Variants in SCARB1 observed in about 807,000 individuals in gnomAD.
The protein encoded by SCARB1 is scavenger receptor class B member 1, also known as CD36 and LIMPII analogous 1.
Under a neutral mutation model 57.2 loss-of-function variants are expected in SCARB1, and 30 were observed. The observed-to-expected ratio is 0.52, with a 90% confidence interval of 0.39 to 0.71. The LOEUF (loss-of-function observed/expected upper bound fraction) is 0.71, where lower values mean the gene tolerates loss of function less well. Among genes scored for constraint, SCARB1 ranks in the 30% least tolerant of loss-of-function variants. The pLI, the probability that SCARB1 is intolerant of heterozygous loss-of-function variation, is 0.00. For missense variants in SCARB1, 543 were observed against 671.2 expected, an observed-to-expected ratio of 0.81 and a Z score of 2.11; for synonymous variants, 249 against 268.3, an observed-to-expected ratio of 0.93 and a Z score of 0.70.
At chr12:124,785,806 G>A in intron 11 of SCARB1, 1 of 474,660 alleles carries the variant, frequency 2.1e-6, no homozygotes, top group Non-Finnish European at 3.7e-6. Context: ...TCCTTTGACT[G>A]TTAAGTGGCT....
At chr12:124,830,905 C>T (rs1168836925) in intron 1 of SCARB1, among the ~76,000 whole-genome samples, 2 of 150,434 alleles carry the variant, frequency 1.3e-5, no homozygotes, top group Non-Finnish European at 3.0e-5. Context: ...CTCCACCTCC[C>T]AGGTTCAAGC....
chr12:124,809,975 C>T (rs977413414), intron 6 of SCARB1, among the ~76,000 whole-genome samples, 199 bp downstream of exon 6: 1 of 152,244 alleles, frequency 6.6e-6, no homozygotes, highest in Non-Finnish European at 1.5e-5. Context: ...CCAGCAGCCT[C>T]TCTTTGGGCT....
Position 124,824,038 on chromosome 12 carries a change from G to A in SCARB1, c.127-6331C>T, listed in dbSNP as rs950572994. 9.2e-5 allele frequency among the ~76,000 whole-genome samples: 14 copies of A among 151,870 alleles called. 1 individual carries two copies. On this transcript the variant is annotated intron_variant, in intron 1 of 12. Coordinates refer to ENST00000261693, the MANE Select transcript of SCARB1 (RefSeq NM_005505.5). ...TATATACAAAAATTAGCTGGGCATG[G>A]TGGCAGCCAACTGTATTCCCAGCTA...
chr12:124,794,352 C>T (rs1949851977), intron 9 of SCARB1, among the ~76,000 whole-genome samples: 1 of 148,344 alleles, frequency 6.7e-6, no homozygotes, highest in Non-Finnish European at 1.5e-5. Context: ...TTGCATAAAG[C>T]TGTTTTATTT....
At position 124,795,177 on chromosome 12, in the gene SCARB1, C is replaced by A. The variant is rs202048724; in HGVS notation, c.1202+18G>T. The A allele has an allele frequency of 4.4e-6, 7 of 1,604,336 alleles. No individual in the cohort carries two copies. Among genetic ancestry groups the A allele is most frequent in the Non-Finnish European group, 6.0e-6 (7 of 1,171,380 alleles). On this transcript the variant is annotated intron_variant, in intron 9 of 12. Coordinates refer to ENST00000261693, the MANE Select transcript of SCARB1 (RefSeq NM_005505.5). Reference sequence around the variant, plus strand: ...CTCTCAATGAGCAATGCAGCCCCAGCTCCCAGTCCCCACTCACCCAATGCC... The same window carrying A: ...CTCTCAATGAGCAATGCAGCCCCAGATCCCAGTCCCCACTCACCCAATGCC...
intron 9 of SCARB1, among the ~76,000 whole-genome samples, chr12:124,793,180 A>G (rs1439203033): frequency 6.6e-6 from 1 of 152,182 alleles, no homozygotes; most frequent in Non-Finnish European, 1.5e-5. Context: ...TCCAGCCGAG[A>G]GGCATTTGAC....
At chr12:124,840,324 C>T (rs887011133) in intron 1 of SCARB1, among the ~76,000 whole-genome samples, 1 of 152,148 alleles carries the variant, frequency 6.6e-6, no homozygotes, top group Non-Finnish European at 1.5e-5. Flanking sequence ...CATACAGGCG[C>T]CTGCCACCAC....
intron 8 of SCARB1, among the ~76,000 whole-genome samples, chr12:124,798,219 T>G (rs1950014054): frequency 6.6e-6 from 1 of 152,068 alleles, no homozygotes; most frequent in African/African-American, 2.4e-5. Flanking sequence ...CAGACCAGCT[T>G]GGTCAGGATG....
chr12:124,863,746 G>C lies in SCARB1; in HGVS notation c.-26C>G. The C allele has an allele frequency of 7.0e-7, 1 of 1,426,240 alleles. No individual in the cohort carries two copies. The allele number at this position is 1,426,240 out of a possible 1,614,324, so 88.3% of individuals were successfully genotyped here. A position where few individuals can be genotyped will look rare whatever the true frequency, so the allele number is the denominator to read the frequency against. On this transcript the variant is annotated 5_prime_UTR_variant, in exon 1 of 13. Coordinates refer to ENST00000261693, the MANE Select transcript of SCARB1 (RefSeq NM_005505.5). The stretch of plus-strand genomic sequence containing the variant: ...GTCTGCGCGCCTGGGGCCCACCCGC[G>C]GCTCGCAGGGCTCCGCGCCTGGCAG...
At position 124,814,939 on chromosome 12, in the gene SCARB1, G is replaced by T. The variant is rs1321882067; in HGVS notation, c.426+34C>A. On this transcript the variant is annotated intron_variant, in intron 3 of 12. Transcript: ENST00000261693. This position sits in a 1 kb window ranked among gnomAD's most constrained non-coding sequence, Gnocchi z 4.7. ...AGGAGAGACAGGGGACGAGGTCAGG[G>T]TGCGAGGCGGCGTGGGCCACAGGGC... 6.2e-7 allele frequency: 1 copy of T among 1,613,510 alleles called. No individual in the cohort carries two copies. Among genetic ancestry groups the T allele is most frequent in the Admixed American group, 1.7e-5 (1 of 60,000 alleles).
intron 1 of SCARB1, among the ~76,000 whole-genome samples, chr12:124,824,565 A>T (rs1033458065): frequency 1.3e-5 from 2 of 152,272 alleles, no homozygotes; most frequent in Non-Finnish European, 2.9e-5. Flanking sequence ...AAGAAAGATT[A>T]ACTCCAAATT....
At chr12:124,815,365 C>T (rs1950672689) in intron 2 of SCARB1, among the ~76,000 whole-genome samples, 1 of 152,202 alleles carries the variant, frequency 6.6e-6, no homozygotes, top group African/African-American at 2.4e-5. Flanking sequence ...CATCGTCTCT[C>T]CATCTACAAA....
intron 11 of SCARB1, chr12:124,783,474 A>G (rs919225132): frequency 1.3e-5 from 2 of 152,586 alleles, no homozygotes; most frequent in East Asian, 1.9e-4. Context: ...AATTACATAA[A>G]AACTGATAAG....
rs1361564193 is a variant in SCARB1, at chr12:124,817,127, T to C, written c.284+423A>G. 9.3e-6 allele frequency among the ~76,000 whole-genome samples: 1 copy of C among 107,916 alleles called. No individual in the cohort carries two copies. The highest frequency in any genetic ancestry group is 2.3e-5 in the Non-Finnish European group (1 of 43,378). The allele number at this position is 107,916 out of a possible 152,430, so 70.8% of individuals were successfully genotyped here. On this transcript the variant is annotated intron_variant, in intron 2 of 12. Transcript: ENST00000261693. This position sits in a 1 kb window ranked among gnomAD's most constrained non-coding sequence, Gnocchi z 4.8. ...GTGTATGTACGTGTGTATGTATGTA[T>C]GTGTGTATGTGTATGTGTATGTGTG... is the stretch of plus-strand genomic sequence containing the variant.
At chr12:124,804,232 C>G (rs912504223) in intron 7 of SCARB1, among the ~76,000 whole-genome samples, 2 of 152,216 alleles carry the variant, frequency 1.3e-5, no homozygotes, top group Admixed American at 6.5e-5. Flanking sequence ...AACCCTGGAA[C>G]TTCTGCTGGA....
At chr12:124,854,557 G>C (rs33924155) in intron 1 of SCARB1, among the ~76,000 whole-genome samples, 14,436 of 152,260 alleles carry the variant, frequency 0.095, 963 homozygotes, top group Non-Finnish European at 0.14. Context: ...GCGGATGCAG[G>C]AATCTGGGGG....
intron 1 of SCARB1, among the ~76,000 whole-genome samples, chr12:124,830,689 G>C (rs1264153916): frequency 6.6e-6 from 1 of 152,022 alleles, no homozygotes; most frequent in Non-Finnish European, 1.5e-5. Context: ...GTTTACACTT[G>C]GTATAGGGGG....
chr12:124,793,688 G>A (rs1375144202), intron 9 of SCARB1, among the ~76,000 whole-genome samples: 18 of 109,076 alleles, frequency 1.7e-4, no homozygotes, highest in Admixed American at 3.0e-4. Context: ...GCGAGACTCC[G>A]TCTCAAAAAA....
intron 11 of SCARB1, chr12:124,785,624 G>A (rs1949483806): frequency 1.9e-5 from 3 of 161,306 alleles, no homozygotes; most frequent in Non-Finnish European, 4.1e-5. Flanking sequence ...CCCTTGAAAC[G>A]GGGCCAGTCC....
Sources: gnomAD v4.1 joint callset for allele counts (sites outside exome capture counted in the v4.1 genomes callset) on GRCh38, gnomAD v4.1.1 for gene constraint, Gnocchi (gnomAD v3.1) non-coding constraint, MANE v1.5 for transcripts, NCBI Gene and HGNC (gene_info 2026-07-23, HGNC 2026-07-21) for gene names.